The following PDE3A variants were observed in gnomAD, a reference collection of about 807,000 sequenced individuals.
PDE3A encodes cGMP-inhibited 3',5'-cyclic phosphodiesterase 3A.
In PDE3A, 43 loss-of-function variants were observed where a neutral mutation model predicts 98.3. The observed-to-expected ratio is 0.44, with a 90% CI of 0.34 to 0.56. PDE3A has a LOEUF of 0.56. Ranked by LOEUF, PDE3A falls within the 20% of genes least tolerant of loss-of-function variation. PDE3A has a pLI of 0.01. For missense variants in PDE3A, 1,427 were observed against 1,440.7 expected (o/e 0.99, Z 0.15); for synonymous variants, 663 against 567.9 (o/e 1.17, Z -2.38).
rs754658914 is a variant in PDE3A at position 20,370,238 on chromosome 12, G to C, written c.954G>C (p.Arg318Ser). 1.3e-6 allele frequency: 2 copies of C among 1,551,156 alleles called. No homozygotes were observed. The highest frequency in any genetic ancestry group is 4.0e-5 in the Admixed American group (2 of 49,488). Residue 318 changes from arginine (R) to serine (S), a missense_variant, in exon 1 of 16, where the codon AGG becomes AGC. Arg to Ser is a moderately radical substitution (Grantham distance 110). Around this residue, in one of 3 missense-constraint regions of PDE3A, gnomAD observed 1,012 missense variants for 886.5 expected, o/e 1.14. Transcript: ENST00000359062. ...HRRTSLPCIP[R>S]EQLMGHSEWD... ...GGACCTCCCTGCCCTGTATACCGAG[G>C]GAACAGGTAAGCACTGGCAACTCCT... is the stretch of plus-strand genomic sequence containing the variant.
chr12:20,587,366 C>T (rs997823673), intron 2 of PDE3A, among the ~76,000 whole-genome samples: 26 of 152,072 alleles, frequency 1.7e-4, no homozygotes, highest in African/African-American at 6.0e-4. Flanking sequence ...AAGACTCCAC[C>T]TCAAAAATTA....
At chr12:20,533,478 C>CTTTTTTTTTTTTT (rs10707682) in intron 1 of PDE3A, among the ~76,000 whole-genome samples, 1 of 124,648 alleles carries the variant, frequency 8.0e-6, no homozygotes. Context: ...GTTTCTTTTT[C>CTTTTTTTTTTTTT]TTTTTTTTTT....
chr12:20,430,702 A>G lies in PDE3A; in HGVS notation c.960+60458A>G, dbSNP rs73067291. Among the ~76,000 whole-genome samples the G allele has an allele frequency of 7.9e-3, 1,210 of 152,224 alleles. 8 individuals carry two copies. Among genetic ancestry groups the G allele is most frequent in the South Asian group, 0.012 (57 of 4,814 alleles). On this transcript the variant is annotated intron_variant, in intron 1 of 15. Coordinates refer to ENST00000359062, the MANE Select transcript of PDE3A (RefSeq NM_000921.5). ...TTCTAAAATACTGTATTTTGCCATG[A>G]TTTGTTCCCTGGTGTGTATAGAAGC... is the stretch of plus-strand genomic sequence containing the variant.
chr12:20,474,024 G>A (rs777820875), intron 1 of PDE3A, among the ~76,000 whole-genome samples: 5 of 152,036 alleles, frequency 3.3e-5, no homozygotes, highest in Non-Finnish European at 7.4e-5. Context: ...GGTTAAATAT[G>A]GTATGTGCTT....
At chr12:20,613,380 A>T in intron 2 of PDE3A, 63 bp from the exon 3 acceptor site, 1 of 1,511,002 alleles carries the variant, frequency 6.6e-7, no homozygotes, top group Non-Finnish European at 9.2e-7. Flanking sequence ...AGTCCAAATT[A>T]ATGCTTTGTG....
At chr12:20,417,074 T>G (rs1288097151) in intron 1 of PDE3A, among the ~76,000 whole-genome samples, 1 of 152,180 alleles carries the variant, frequency 6.6e-6, no homozygotes, top group Non-Finnish European at 1.5e-5. Flanking sequence ...ATGGGAAACT[T>G]TGTTTCTGCA....
intron 2 of PDE3A, among the ~76,000 whole-genome samples, chr12:20,603,318 A>C (rs907733452): frequency 1.3e-5 from 2 of 152,188 alleles, no homozygotes; most frequent in South Asian, 4.1e-4. Flanking sequence ...AAATACTTCC[A>C]ACAATGGAGC....
At chr12:20,496,498 A>T (rs1945920985) in intron 1 of PDE3A, among the ~76,000 whole-genome samples, 1 of 152,106 alleles carries the variant, frequency 6.6e-6, no homozygotes, top group Non-Finnish European at 1.5e-5. Flanking sequence ...GTTCTCATGG[A>T]CCTGGGTACT....
intron 2 of PDE3A, among the ~76,000 whole-genome samples, chr12:20,601,951 T>C (rs1224112753): frequency 6.6e-6 from 1 of 152,192 alleles, no homozygotes; most frequent in Non-Finnish European, 1.5e-5. Flanking sequence ...ATTCTTGATA[T>C]TTAACAGACA....
Position 20,680,194 on chromosome 12 carries a change from C to G in PDE3A, c.3349C>G (p.Gln1117Glu). 1 of 1,613,700 alleles carries G rather than the reference C, an allele frequency of 6.2e-7. No individual in the cohort carries two copies. The change falls in exon 16 of 16, where the codon CAG becomes GAG. Residue 1117 changes from glutamine to glutamate, a missense_variant. Transcript: ENST00000359062. ...TPQSHSSEQI[Q>E]AIKEEEEEKG... is the part of the protein sequence containing the mutation. ...TCAGTCGCACTCTTCAGAACAGATC[C>G]AGGCTATCAAGGAAGAAGAAGAAGA...
chr12:20,467,551 T>A (rs950884548), intron 1 of PDE3A, among the ~76,000 whole-genome samples: 2 of 152,130 alleles, frequency 1.3e-5, no homozygotes, highest in Non-Finnish European at 2.9e-5. Context: ...GAAATATACA[T>A]CTGCCGTTAT....
chr12:20,370,309 T>C, intron 1 of PDE3A, 65 bp downstream of exon 1: 2 of 1,416,370 alleles, frequency 1.4e-6, no homozygotes, highest in Non-Finnish European at 1.9e-6. Context: ...CGGCGCAGAG[T>C]GGAGAGAATC....
At chr12:20,495,501 C>G (rs1166337930) in intron 1 of PDE3A, among the ~76,000 whole-genome samples, 1 of 151,838 alleles carries the variant, frequency 6.6e-6, no homozygotes, top group African/African-American at 2.4e-5. Flanking sequence ...TTTGAATATT[C>G]CTTTTAAACT....
At chr12:20,534,110 T>G (rs1056909965) in intron 1 of PDE3A, among the ~76,000 whole-genome samples, 1 of 152,186 alleles carries the variant, frequency 6.6e-6, no homozygotes, top group African/African-American at 2.4e-5. Flanking sequence ...CCACACGTTA[T>G]GCAGCCTTTC....
chr12:20,400,589 T>A (rs1002978667), intron 1 of PDE3A, among the ~76,000 whole-genome samples: 1 of 151,746 alleles, frequency 6.6e-6, no homozygotes, highest in Non-Finnish European at 1.5e-5. Context: ...CGGCTAAGTT[T>A]TTGTATTTTT....
chr12:20,404,826 G>GTTTTTT lies in PDE3A; in HGVS notation c.960+34599_960+34604dup, dbSNP rs60736941. ...ATTCCACACATGTGTAGGTTACAGA[G>GTTTTTT]TTTTTTTTTTTTTTTTTTTTTTGAG... On this transcript the variant is annotated intron_variant, in intron 1 of 15. Coordinates refer to ENST00000359062, the MANE Select transcript of PDE3A (RefSeq NM_000921.5). Among the ~76,000 whole-genome samples the GTTTTTT allele has an allele frequency of 4.2e-3, 397 of 95,050 alleles. 12 individuals are homozygous for GTTTTTT. The highest frequency in any genetic ancestry group is 9.4e-3 in the East Asian group (25 of 2,668). 62.4% of individuals were successfully genotyped at this position (95,050 alleles called of 152,430 possible).
chr12:20,627,895 C>A (rs1015141959), intron 5 of PDE3A, among the ~76,000 whole-genome samples: 2 of 152,118 alleles, frequency 1.3e-5, no homozygotes, highest in Non-Finnish European at 2.9e-5. Flanking sequence ...AGCTCCTTAA[C>A]GGCTACAGTG....
intron 2 of PDE3A, among the ~76,000 whole-genome samples, chr12:20,565,770 A>G (rs1395733275): frequency 1.3e-5 from 2 of 151,880 alleles, no homozygotes; most frequent in Non-Finnish European, 2.9e-5. Context: ...GAATGTTTTA[A>G]TTTCTTATTA....
At chr12:20,498,281 C>CA (rs1489416689) in intron 1 of PDE3A, among the ~76,000 whole-genome samples, 1 of 152,050 alleles carries the variant, frequency 6.6e-6, no homozygotes, top group Non-Finnish European at 1.5e-5. Context: ...CCCACCCCCC[C>CA]AACTGAAGGA....
Sources: gnomAD v4.1 joint callset for allele counts (sites outside exome capture counted in the v4.1 genomes callset) on GRCh38, gnomAD v4.1.1 for gene constraint, gnomAD v4.1.1 regional missense constraint, MANE v1.5 for transcripts, NCBI Gene and HGNC (gene_info 2026-07-23, HGNC 2026-07-21) for gene names.